The following DPP10 variants were observed in gnomAD, a reference collection of about 807,000 sequenced individuals.
DPP10 encodes the protein inactive dipeptidyl peptidase 10.
A neutral mutation model predicts 120.9 loss-of-function variants in DPP10; 33 were observed. The observed-to-expected ratio is 0.27, with a 90% CI of 0.21 to 0.37. DPP10 has a LOEUF of 0.37. DPP10 is among the 10% of genes least tolerant of loss of function. The pLI is 1.00. For synonymous variants in DPP10, 337 were observed against 326.1 expected (o/e 1.03, Z -0.36); for missense variants, 816 against 942.8 (o/e 0.87, Z 1.76).
At chr2:115,372,892 C>G (rs2065513546) in intron 3 of DPP10, among the ~76,000 whole-genome samples, 1 of 152,150 alleles carries the variant, frequency 6.6e-6, no homozygotes, top group African/African-American at 2.4e-5. Flanking sequence ...GCTTTTGTCA[C>G]TGAAAATAGA....
intron 1 of DPP10, among the ~76,000 whole-genome samples, chr2:115,163,649 G>T (rs527506814): frequency 1.3e-5 from 2 of 152,106 alleles, no homozygotes; most frequent in African/African-American, 2.4e-5. Flanking sequence ...CCTCTTTCAG[G>T]CTGACAGCCC....
At chr2:115,161,747 G>A in intron 1 of DPP10, 1 of 436,926 alleles carries the variant, frequency 2.3e-6, no homozygotes, top group Non-Finnish European at 4.0e-6. Flanking sequence ...GGGAGTCAGA[G>A]GGTCTGCGGT....
At chr2:115,671,454 A>G (rs890148154) in intron 5 of DPP10, among the ~76,000 whole-genome samples, 6 of 151,990 alleles carry the variant, frequency 3.9e-5, no homozygotes, top group Non-Finnish European at 7.4e-5. Context: ...TTCAAAGTCT[A>G]GTTTTGTGCT....
intron 22 of DPP10, 40 bp downstream of exon 22, chr2:115,836,296 A>G (rs200686575): frequency 6.4e-7 from 1 of 1,552,862 alleles, no homozygotes; most frequent in East Asian, 2.2e-5. Context: ...TAATGTATTG[A>G]TTTGTAGAAA....
chr2:115,700,433 C>T (rs138047596), intron 7 of DPP10, among the ~76,000 whole-genome samples: 1 of 152,084 alleles, frequency 6.6e-6, no homozygotes, highest in African/African-American at 2.4e-5. Flanking sequence ...AAAAGTACCT[C>T]AACATAATAA....
Position 114,514,475 on chromosome 2 carries a change from G to C in DPP10, c.60+71637G>C, listed in dbSNP as rs547225003. On this transcript the variant is annotated intron_variant, in intron 1 of 25. Transcript: ENST00000410059. ...ATTTTAGCATCTACAAAAATTCACA[G>C]TTCACTTTTAGTTCTCTGTTTTCCT... Among the ~76,000 whole-genome samples the C allele has an allele frequency of 1.4e-4, 22 of 152,240 alleles. No individual in the cohort carries two copies. The South Asian group carries it at 4.2e-3, about 29-fold the overall frequency.
chr2:114,635,728 A>T (rs1362752489), intron 1 of DPP10, among the ~76,000 whole-genome samples: 1 of 151,910 alleles, frequency 6.6e-6, no homozygotes, highest in Admixed American at 6.6e-5. Flanking sequence ...GACTCCAAAG[A>T]CTTTTTATTG....
intron 1 of DPP10, among the ~76,000 whole-genome samples, chr2:115,280,662 TG>T (rs1042658490): frequency 1.3e-5 from 2 of 152,226 alleles, no homozygotes; most frequent in African/African-American, 4.8e-5. Context: ...GAGTTAACCT[TG>T]GGGCATTAGC....
intron 1 of DPP10, among the ~76,000 whole-genome samples, chr2:114,868,052 G>A (rs1441552494): frequency 6.6e-6 from 1 of 152,206 alleles, no homozygotes; most frequent in Non-Finnish European, 1.5e-5. Flanking sequence ...ACATCTTCTG[G>A]TAGATATTCT....
At chr2:115,536,097 A>G (rs1400644782) in intron 5 of DPP10, among the ~76,000 whole-genome samples, 1 of 152,076 alleles carries the variant, frequency 6.6e-6, no homozygotes, top group Non-Finnish European at 1.5e-5. Flanking sequence ...ACTGTATTAT[A>G]GAGAATCTGA....
intron 1 of DPP10, among the ~76,000 whole-genome samples, chr2:114,995,597 G>A (rs1250345511): frequency 1.9e-4 from 29 of 152,116 alleles, no homozygotes; most frequent in Non-Finnish European, 1.8e-4. Context: ...AACTTTGCAA[G>A]AGTATAAAAA....
intron 5 of DPP10, among the ~76,000 whole-genome samples, chr2:115,645,974 C>T (rs375079983): frequency 1.3e-5 from 2 of 152,018 alleles, no homozygotes; most frequent in Non-Finnish European, 2.9e-5. Context: ...TATCATAAGG[C>T]GTTATGTTTT....
At chr2:115,219,957 AC>A (rs2057049951) in intron 1 of DPP10, among the ~76,000 whole-genome samples, 1 of 152,312 alleles carries the variant, frequency 6.6e-6, no homozygotes, top group Admixed American at 6.5e-5. Context: ...CCAGTTATTC[AC>A]CCAACTACAT....
chr2:114,786,415 G>T (rs112127536), intron 1 of DPP10, among the ~76,000 whole-genome samples: 1 of 152,150 alleles, frequency 6.6e-6, no homozygotes, highest in Non-Finnish European at 1.5e-5. Flanking sequence ...AGTGATTTTC[G>T]AGAAGCGAGA....
intron 1 of DPP10, among the ~76,000 whole-genome samples, chr2:115,177,045 A>T (rs1054380043): frequency 6.6e-6 from 1 of 152,250 alleles, no homozygotes; most frequent in African/African-American, 2.4e-5. Flanking sequence ...ATTGTCCAAA[A>T]TGTATAATTT....
At position 115,800,508 on chromosome 2, in the gene DPP10, C is replaced by A. The variant is rs558184208; in HGVS notation, c.1700+9152C>A. On this transcript the variant is annotated intron_variant, in intron 19 of 25. Transcript: ENST00000410059. ...TGGTATTTTAGACATGAAGTCCTTG[C>A]CCATGCCTTTGTCCTGAATGGTGTT... is the stretch of plus-strand genomic sequence containing the variant. Among the ~76,000 whole-genome samples, 311 of 152,256 alleles carry A rather than the reference C, an allele frequency of 2.0e-3. 1 individual carries two copies. The highest frequency in any genetic ancestry group is 7.1e-3 in the African/African-American group (296 of 41,536).
Position 114,940,290 on chromosome 2 carries a change from A to T in DPP10, c.61-368949A>T, listed in dbSNP as rs1696795541. 2.0e-5 allele frequency among the ~76,000 whole-genome samples: 3 copies of T among 152,284 alleles called. No homozygotes were observed. In the South Asian group the frequency reaches 6.2e-4, roughly 32 times the overall value. ...ACCAAGAAGCTTACACTGCTCTTTG[A>T]CACACAACACTTTGGATGGTCTGAC... On this transcript the variant is annotated intron_variant, in intron 1 of 25. Coordinates refer to ENST00000410059, the MANE Select transcript of DPP10 (RefSeq NM_020868.6).
At chr2:114,797,892 T>C (rs1683856198) in intron 1 of DPP10, among the ~76,000 whole-genome samples, 6 of 152,166 alleles carry the variant, frequency 3.9e-5, no homozygotes, top group Admixed American at 1.3e-4. Flanking sequence ...ATTTTTATCG[T>C]GGAGAAACTA....
intron 1 of DPP10, among the ~76,000 whole-genome samples, chr2:114,444,263 A>G (rs1237290278): frequency 2.0e-5 from 3 of 152,180 alleles, no homozygotes; most frequent in African/African-American, 7.2e-5. Context: ...CAATTATCTA[A>G]GCATATCACT....
Sources: gnomAD v4.1 joint callset for allele counts (sites outside exome capture counted in the v4.1 genomes callset) on GRCh38, gnomAD v4.1.1 for gene constraint, MANE v1.5 for transcripts, NCBI Gene and HGNC (gene_info 2026-07-23, HGNC 2026-07-21) for gene names.